The following TANGO6 variants were observed in gnomAD, a reference collection of about 807,000 sequenced individuals.
TANGO6 encodes the protein transport and golgi organization 6 homolog.
A neutral mutation model predicts 114.2 loss-of-function variants in TANGO6; 90 were observed. The observed-to-expected ratio is 0.79, with a 90% CI of 0.66 to 0.94. The LOEUF is 0.94. Ranked by LOEUF, TANGO6 falls within the 40% of genes least tolerant of loss-of-function variation. TANGO6 has a pLI of 0.00. For missense variants in TANGO6, 1,274 were observed against 1,315.3 expected, an observed-to-expected ratio of 0.97 and a Z score of 0.49; for synonymous variants, 477 against 509.8, an observed-to-expected ratio of 0.94 and a Z score of 0.87.
chr16:69,030,334 G>A (rs1287331544), intron 16 of TANGO6, among the ~76,000 whole-genome samples: 2 of 151,978 alleles, frequency 1.3e-5, no homozygotes, highest in South Asian at 2.1e-4. Flanking sequence ...CCTTTGAGGA[G>A]TCCCTTGGTC....
intron 14 of TANGO6, among the ~76,000 whole-genome samples, chr16:68,948,024 GAT>G (rs112762612): frequency 5.4e-4 from 80 of 146,950 alleles, no homozygotes; most frequent in Non-Finnish European, 4.4e-4. Flanking sequence ...CAGTGCAGCT[GAT>G]ATATATATAT....
intron 14 of TANGO6, among the ~76,000 whole-genome samples, chr16:68,967,335 C>G (rs574928666): frequency 6.6e-6 from 1 of 152,306 alleles, no homozygotes; most frequent in African/African-American, 2.4e-5. Flanking sequence ...AGGGTTCACA[C>G]TCCTGGGAGT....
chr16:68,865,788 G>A (rs901074375), intron 3 of TANGO6, among the ~76,000 whole-genome samples: 48 of 151,760 alleles, frequency 3.2e-4, no homozygotes, highest in African/African-American at 1.2e-3. Context: ...CATGGTGGCA[G>A]GTGCCTGTAG....
At position 69,057,008 on chromosome 16, in the gene TANGO6, T is replaced by C. The variant is rs1461045459; in HGVS notation, c.3108+16587T>C. Among the ~76,000 whole-genome samples the C allele has an allele frequency of 1.4e-4, 19 of 131,486 alleles. No individual in the cohort carries two copies. In the East Asian group the frequency reaches 3.9e-3, roughly 27 times the overall value. 86.3% of individuals were successfully genotyped at this position (131,486 alleles called of 152,430 possible). ...AATGGCCTGATTTTCTTTTTTTTTT[T>C]TTTTTTTTTTTTTTTTTTGAGATGG... On this transcript the variant is annotated intron_variant, in intron 17 of 17. Coordinates refer to ENST00000261778, the MANE Select transcript of TANGO6 (RefSeq NM_024562.2).
chr16:68,916,928 A>G (rs765467799), intron 11 of TANGO6, among the ~76,000 whole-genome samples: 1 of 152,108 alleles, frequency 6.6e-6, no homozygotes, highest in Non-Finnish European at 1.5e-5. Context: ...CCCAACGTCC[A>G]TAGTTTACAC....
At chr16:68,973,029 G>T in intron 14 of TANGO6, 1 of 431,200 alleles carries the variant, frequency 2.3e-6, no homozygotes, top group Non-Finnish European at 4.6e-6. Context: ...GGCGGGGGAT[G>T]GGGACTGCTC....
rs1019326963 is a variant in TANGO6, at chr16:68,874,596, A to G, written c.995-558A>G. 1.1e-3 allele frequency among the ~76,000 whole-genome samples: 171 copies of G among 152,322 alleles called. 3 individuals are homozygous for G. The highest frequency in any genetic ancestry group is 4.0e-3 in the African/African-American group (168 of 41,570). On this transcript the variant is annotated intron_variant, in intron 4 of 17. Coordinates refer to ENST00000261778, the MANE Select transcript of TANGO6 (RefSeq NM_024562.2). ...AGCTAGTATTCCAGTTATATGAATA[A>G]TATCATTATAGTGACTAAGTGCTAG...
intron 17 of TANGO6, among the ~76,000 whole-genome samples, chr16:69,076,566 G>T (rs945813481): frequency 9.9e-5 from 15 of 152,148 alleles, no homozygotes; most frequent in Admixed American, 6.5e-5. Context: ...GGGTTCCATG[G>T]TCCTCTGTGT....
rs948884009 is a variant in TANGO6 at position 68,884,709 on chromosome 16, G to GA, written c.1377+4089dup. Among the ~76,000 whole-genome samples the GA allele has an allele frequency of 8.9e-5, 13 of 146,624 alleles. No homozygotes were observed. The East Asian group carries it at 9.9e-4, about 11-fold the overall frequency. On this transcript the variant is annotated intron_variant, in intron 7 of 17. Transcript: ENST00000261778. ...TTGGAAGTCAGTAAACTTAGAGGGA[G>GA]AAAAAAAAAAGCAAACAGATAATTT...
At chr16:68,933,072 C>T (rs1006025113) in intron 14 of TANGO6, among the ~76,000 whole-genome samples, 18 of 152,120 alleles carry the variant, frequency 1.2e-4, no homozygotes, top group Non-Finnish European at 1.9e-4. Context: ...ATGTGGTGAT[C>T]TCTGTAACTT....
chr16:68,978,748 C>T lies in TANGO6; in HGVS notation c.2842+4580C>T, dbSNP rs76069240. Among the ~76,000 whole-genome samples, 148 of 151,946 alleles carry T rather than the reference C, an allele frequency of 9.7e-4. 4 individuals are homozygous for T. The East Asian group carries it at 0.025, about 26-fold the overall frequency. On this transcript the variant is annotated intron_variant, in intron 15 of 17. Coordinates refer to ENST00000261778, the MANE Select transcript of TANGO6 (RefSeq NM_024562.2). ...AGTTGGTGGGAGAATGCGGCCCACC[C>T]GTGGGAGCAGGGTGCAGTACACTAT...
At chr16:69,072,234 G>A (rs2152243348) in intron 17 of TANGO6, among the ~76,000 whole-genome samples, 1 of 151,980 alleles carries the variant, frequency 6.6e-6, no homozygotes, top group Middle Eastern at 3.4e-3. Context: ...AGGAGTCTGG[G>A]TACTTCTTTA....
intron 15 of TANGO6, among the ~76,000 whole-genome samples, chr16:68,974,700 C>T (rs552362999): frequency 6.6e-6 from 1 of 151,948 alleles, no homozygotes; most frequent in Admixed American, 6.6e-5. Context: ...AGTCTCCTTC[C>T]CTGGGAGCTG....
In TANGO6 at chr16:68,938,065, A is replaced by G. The variant is rs549497451; in HGVS notation, c.2701+7770A>G. 3.9e-5 allele frequency among the ~76,000 whole-genome samples: 6 copies of G among 152,332 alleles called. 1 individual carries two copies. The highest frequency in any genetic ancestry group is 3.3e-4 in the Admixed American group (5 of 15,310). ...CATTTTACATCCTTACCAGCAATGT[A>G]TGAGTGTTCCAATTTTTCCACAGCT... On this transcript the variant is annotated intron_variant, in intron 14 of 17. Transcript: ENST00000261778.
intron 15 of TANGO6, among the ~76,000 whole-genome samples, chr16:68,999,780 T>TA (rs1218519603): frequency 2.6e-5 from 4 of 152,232 alleles, no homozygotes; most frequent in African/African-American, 9.6e-5. Context: ...CAAAAAATCA[T>TA]AAAAAGATTA....
At chr16:68,926,866 A>G (rs1455406293) in intron 12 of TANGO6, 1 of 152,396 alleles carries the variant, frequency 6.6e-6, no homozygotes, top group African/African-American at 2.4e-5. Flanking sequence ...TTGATCACAC[A>G]TACACCTTTT....
intron 16 of TANGO6, among the ~76,000 whole-genome samples, chr16:69,036,901 T>A (rs1021018386): frequency 3.0e-4 from 45 of 151,892 alleles, no homozygotes; most frequent in Non-Finnish European, 3.2e-4. Flanking sequence ...AGGTGAAGGC[T>A]GCAGTGAGCT....
chr16:69,068,414 A>C (rs1279406480), intron 17 of TANGO6, among the ~76,000 whole-genome samples: 1 of 152,170 alleles, frequency 6.6e-6, no homozygotes, highest in Non-Finnish European at 1.5e-5. Flanking sequence ...TCTACCCATT[A>C]CTAGCTGTGT....
intron 15 of TANGO6, among the ~76,000 whole-genome samples, chr16:68,980,409 C>CTCTCTCTCTCTATATATA (rs1408626276): frequency 4.4e-5 from 3 of 67,994 alleles, no homozygotes; most frequent in African/African-American, 2.0e-4. Flanking sequence ...CTCTCTCTCT[C>CTCTCTCTCTCTATATATA]TATATATATA....
Sources: allele counts gnomAD v4.1 joint callset (sites outside exome capture counted in the v4.1 genomes callset), GRCh38; gene constraint gnomAD v4.1.1; transcripts MANE v1.5; gene names NCBI Gene and HGNC (gene_info 2026-07-23, HGNC 2026-07-21).